The following PHLPP1 variants were observed in gnomAD, a reference collection of about 807,000 sequenced individuals.
The protein encoded by PHLPP1 is PH domain and leucine rich repeat protein phosphatase 1.
A neutral mutation model predicts 117.2 loss-of-function variants in PHLPP1; 42 were observed. The ratio of observed to expected loss-of-function variants is 0.36; its 90% CI spans 0.28 to 0.46. The LOEUF (loss-of-function observed/expected upper bound fraction) is 0.46. PHLPP1 is among the 20% of genes least tolerant of loss of function. The pLI, the probability that PHLPP1 is intolerant of heterozygous loss-of-function variation, is 1.00. For synonymous variants in PHLPP1, 1,042 were observed against 970.7 expected, an observed-to-expected ratio of 1.07 and a Z score of -1.37; for missense variants, 2,084 against 2,241.9, an observed-to-expected ratio of 0.93 and a Z score of 1.42.
At chr18:62,953,090 T>C (rs1910510461) in intron 12 of PHLPP1, among the ~76,000 whole-genome samples, 1 of 152,198 alleles carries the variant, frequency 6.6e-6, no homozygotes, top group South Asian at 2.1e-4. Flanking sequence ...GAATGTATAG[T>C]AGTTTAAGAG....
intron 1 of PHLPP1, among the ~76,000 whole-genome samples, chr18:62,821,965 A>G (rs1224010484): frequency 6.6e-6 from 1 of 152,078 alleles, no homozygotes; most frequent in East Asian, 1.9e-4. Context: ...GCATGCTGGT[A>G]TGTAGCTGTA....
At chr18:62,735,688 G>A (rs1486642982) in intron 1 of PHLPP1, among the ~76,000 whole-genome samples, 1 of 152,064 alleles carries the variant, frequency 6.6e-6, no homozygotes, top group Non-Finnish European at 1.5e-5. Context: ...CTGATGATGG[G>A]TAAAAGAAAG....
At chr18:62,970,300 C>T (rs1442934210) in intron 14 of PHLPP1, among the ~76,000 whole-genome samples, 1 of 152,146 alleles carries the variant, frequency 6.6e-6, no homozygotes, top group Non-Finnish European at 1.5e-5. Flanking sequence ...GTTATAACCT[C>T]CAAAATACAT....
chr18:62,913,735 CTCTCTTTTTTTTTTTTT>C (rs1222925332), intron 8 of PHLPP1, among the ~76,000 whole-genome samples: 6 of 113,778 alleles, frequency 5.3e-5, no homozygotes, highest in African/African-American at 1.9e-4. Flanking sequence ...AGTTCTCTCT[CTCTCTTTTTTTTTTTTT>C]TTTTTTTTGA....
At chr18:62,821,756 C>CTT (rs1341176509) in intron 1 of PHLPP1, among the ~76,000 whole-genome samples, 248 of 141,536 alleles carry the variant, frequency 1.8e-3, no homozygotes, top group African/African-American at 6.0e-3. Context: ...AATGTATGTT[C>CTT]TTTTTTTTTT....
intron 8 of PHLPP1, among the ~76,000 whole-genome samples, chr18:62,912,181 T>G: frequency 7.0e-6 from 1 of 143,052 alleles, no homozygotes; most frequent in South Asian, 2.3e-4. Context: ...AGGGATAGCA[T>G]TGGGAGATAT....
intron 1 of PHLPP1, among the ~76,000 whole-genome samples, chr18:62,758,044 C>T (rs1158144793): frequency 6.6e-6 from 1 of 152,210 alleles, no homozygotes; most frequent in Non-Finnish European, 1.5e-5. Flanking sequence ...AGGCAGCATG[C>T]ATTTCGACCC....
At chr18:62,737,032 G>A (rs977894905) in intron 1 of PHLPP1, among the ~76,000 whole-genome samples, 7 of 152,108 alleles carry the variant, frequency 4.6e-5, no homozygotes, top group African/African-American at 1.4e-4. Context: ...TCTAATGGGA[G>A]GTGACGTTTA....
At chr18:62,932,017 T>TA (rs1189450929) in intron 10 of PHLPP1, among the ~76,000 whole-genome samples, 1 of 151,042 alleles carries the variant, frequency 6.6e-6, no homozygotes, top group Non-Finnish European at 1.5e-5. Context: ...GTAGAAAATC[T>TA]AGAGGAAATG....
At chr18:62,881,331 A>T (rs76346837) in intron 4 of PHLPP1, among the ~76,000 whole-genome samples, 1 of 152,156 alleles carries the variant, frequency 6.6e-6, no homozygotes, top group Non-Finnish European at 1.5e-5. Context: ...CAAAATGTCC[A>T]TGGAAATTAT....
intron 4 of PHLPP1, among the ~76,000 whole-genome samples, chr18:62,893,292 A>C (rs1055182601): frequency 2.0e-5 from 3 of 152,012 alleles, no homozygotes; most frequent in African/African-American, 7.2e-5. Context: ...TGATCTGCCC[A>C]CCTCGGCCTC....
At chr18:62,939,973 A>G (rs1196052710) in intron 10 of PHLPP1, among the ~76,000 whole-genome samples, 2 of 152,058 alleles carry the variant, frequency 1.3e-5, no homozygotes, top group South Asian at 4.1e-4. Flanking sequence ...AGTGATTGAA[A>G]TGAGGGAATA....
At chr18:62,823,236 G>C (rs534499616) in intron 1 of PHLPP1, among the ~76,000 whole-genome samples, 1 of 152,226 alleles carries the variant, frequency 6.6e-6, no homozygotes, top group South Asian at 2.1e-4. Context: ...AAATAAAAAA[G>C]TAAGCCAGAC....
intron 10 of PHLPP1, among the ~76,000 whole-genome samples, chr18:62,921,910 T>C (rs1261042279): frequency 6.6e-6 from 1 of 152,258 alleles, no homozygotes; most frequent in Non-Finnish European, 1.5e-5. Context: ...CCTTTCGTTC[T>C]GTTTTCCTCA....
intron 6 of PHLPP1, among the ~76,000 whole-genome samples, chr18:62,898,167 A>T (rs1201501143): frequency 5.3e-5 from 8 of 152,014 alleles, no homozygotes; most frequent in African/African-American, 1.9e-4. Flanking sequence ...GTCTTTCCCT[A>T]TTCCTTCTTT....
chr18:62,949,570 A>G (rs1289373806), intron 12 of PHLPP1, among the ~76,000 whole-genome samples: 1 of 152,168 alleles, frequency 6.6e-6, no homozygotes, highest in Non-Finnish European at 1.5e-5. Context: ...GTTTTTCAGA[A>G]TTTTCCAGTG....
chr18:62,886,998 C>T (rs1028283878), intron 4 of PHLPP1, among the ~76,000 whole-genome samples: 2 of 152,088 alleles, frequency 1.3e-5, no homozygotes. Context: ...CTGAGCTGTG[C>T]TTGAATTGGT....
At chr18:62,861,494 T>G (rs1568141575) in intron 4 of PHLPP1, among the ~76,000 whole-genome samples, 1 of 152,222 alleles carries the variant, frequency 6.6e-6, no homozygotes, top group Non-Finnish European at 1.5e-5. Context: ...CTTCCTTTCC[T>G]CTTTGGAGCA....
chr18:62,974,752 A>G (rs1255272504), intron 15 of PHLPP1, among the ~76,000 whole-genome samples: 1 of 152,168 alleles, frequency 6.6e-6, no homozygotes, highest in African/African-American at 2.4e-5. Flanking sequence ...AAAAAGATAA[A>G]TCACAAGCAC....
Sources: gnomAD v4.1 joint callset for allele counts (sites outside exome capture counted in the v4.1 genomes callset) on GRCh38, gnomAD v4.1.1 for gene constraint, MANE v1.5 for transcripts, NCBI Gene and HGNC (gene_info 2026-07-23, HGNC 2026-07-21) for gene names.